The following WWOX variants were observed in gnomAD, a reference collection of about 807,000 sequenced individuals.
The protein encoded by WWOX is WW domain-containing oxidoreductase.
In WWOX, 69 loss-of-function variants were observed where a neutral mutation model predicts 46.2. The ratio of observed to expected loss-of-function variants is 1.49; its 90% CI spans 1.23 to 1.82. The LOEUF is 1.82. Ranked by LOEUF, WWOX falls within the 40% of genes most tolerant of loss-of-function variation. WWOX has a pLI of 0.00. For missense variants in WWOX, 919 were observed against 542.6 expected (o/e 1.69, Z -6.89); for synonymous variants, 359 against 202.6 (o/e 1.77, Z -6.56).
chr16:78,485,775 C>T (rs2084620012), intron 8 of WWOX, among the ~76,000 whole-genome samples: 2 of 152,214 alleles, frequency 1.3e-5, no homozygotes, highest in South Asian at 2.1e-4. Context: ...TCCCTCTCCC[C>T]AGCATGGGGC....
At chr16:79,005,562 C>T (rs776769296) in intron 8 of WWOX, among the ~76,000 whole-genome samples, 24 of 152,150 alleles carry the variant, frequency 1.6e-4, no homozygotes, top group Non-Finnish European at 3.1e-4. Flanking sequence ...GTAGGTATTT[C>T]CTGGCAACCT....
intron 8 of WWOX, among the ~76,000 whole-genome samples, chr16:79,195,385 G>A (rs1259439696): frequency 6.6e-6 from 1 of 152,162 alleles, no homozygotes; most frequent in South Asian, 2.1e-4. Flanking sequence ...ATGCAAGGAG[G>A]TCAGGAAGTC....
chr16:78,778,468 C>A (rs1352864613), intron 8 of WWOX, among the ~76,000 whole-genome samples: 3 of 152,194 alleles, frequency 2.0e-5, no homozygotes, highest in Admixed American at 6.5e-5. Context: ...TGGGATGTCA[C>A]ATGTTCAGGC....
chr16:78,465,350 T>C (rs1217532030), intron 8 of WWOX, among the ~76,000 whole-genome samples: 1 of 152,240 alleles, frequency 6.6e-6, no homozygotes, highest in East Asian at 1.9e-4. Context: ...TCTTTTGCTA[T>C]TTTCTTTTTT....
intron 8 of WWOX, among the ~76,000 whole-genome samples, chr16:78,678,921 A>G (rs1261777763): frequency 6.6e-6 from 1 of 152,116 alleles, no homozygotes; most frequent in Non-Finnish European, 1.5e-5. Context: ...CTGGCACCGC[A>G]CACTTTGTTC....
intron 8 of WWOX, among the ~76,000 whole-genome samples, chr16:78,997,362 C>T (rs754395686): frequency 2.4e-4 from 36 of 152,096 alleles, no homozygotes; most frequent in Admixed American, 5.9e-4. Flanking sequence ...CTAGAAGATT[C>T]GTGGCTTGGG....
intron 5 of WWOX, among the ~76,000 whole-genome samples, chr16:78,329,041 T>C (rs2080699922): frequency 1.3e-5 from 2 of 152,032 alleles, no homozygotes; most frequent in African/African-American, 2.4e-5. Context: ...TTCTTTTTTT[T>C]CGTAGGACGA....
Position 78,115,267 on chromosome 16 carries a change from C to G in WWOX, c.409+113C>G, listed in dbSNP as rs972761911. 1.0e-5 allele frequency: 13 copies of G among 1,280,518 alleles called. No individual in the cohort carries two copies. In the East Asian group the frequency reaches 3.1e-4, roughly 31 times the overall value. 79.3% of individuals were successfully genotyped at this position (1,280,518 alleles called of 1,614,324 possible). On this transcript the variant is annotated intron_variant, in intron 4 of 8. Transcript: ENST00000566780. Reference sequence around the variant, plus strand: ...TCTCTGATTTAAACATGACTTTTATCCTTTTCAGATATCGTTTCATTAACA... The same window carrying G: ...TCTCTGATTTAAACATGACTTTTATGCTTTTCAGATATCGTTTCATTAACA...
intron 5 of WWOX, among the ~76,000 whole-genome samples, chr16:78,175,786 C>G (rs2035324845): frequency 6.6e-6 from 1 of 152,188 alleles, no homozygotes; most frequent in Admixed American, 6.5e-5. Context: ...AGCCACTATG[C>G]TCTGGGGGAA....
chr16:78,464,620 G>C (rs1198759464), intron 8 of WWOX, among the ~76,000 whole-genome samples: 2 of 152,190 alleles, frequency 1.3e-5, no homozygotes, highest in Non-Finnish European at 2.9e-5. Flanking sequence ...GTCAGGATTT[G>C]AAGGCAGATC....
intron 8 of WWOX, among the ~76,000 whole-genome samples, chr16:78,753,023 G>A (rs61249444): frequency 0.025 from 3,751 of 152,270 alleles, 146 homozygotes; most frequent in African/African-American, 0.081. Flanking sequence ...GGCTGGGCAC[G>A]GTAGCTCACG....
At chr16:78,932,549 G>C (rs1324098476) in intron 8 of WWOX, among the ~76,000 whole-genome samples, 1 of 152,214 alleles carries the variant, frequency 6.6e-6, no homozygotes, top group Non-Finnish European at 1.5e-5. Context: ...CACCTGCCAA[G>C]GAAAATGCTG....
intron 8 of WWOX, among the ~76,000 whole-genome samples, chr16:79,166,515 C>A (rs1289037007): frequency 2.0e-5 from 3 of 152,146 alleles, no homozygotes; most frequent in Non-Finnish European, 4.4e-5. Context: ...ACCATACGGG[C>A]AGTAGTCCGC....
intron 8 of WWOX, among the ~76,000 whole-genome samples, chr16:78,991,528 G>A (rs561118638): frequency 6.7e-6 from 1 of 149,194 alleles, no homozygotes; most frequent in Non-Finnish European, 1.5e-5. Context: ...TTGAGCCTGG[G>A]AATTTGAGGC....
intron 8 of WWOX, among the ~76,000 whole-genome samples, chr16:78,626,240 C>T (rs1035896623): frequency 3.7e-4 from 56 of 152,026 alleles, no homozygotes; most frequent in Non-Finnish European, 7.4e-4. Flanking sequence ...AAGTGATTCT[C>T]CTGCCTCAGC....
At chr16:79,107,396 CTT>C (rs1391988159) in intron 8 of WWOX, among the ~76,000 whole-genome samples, 2 of 152,164 alleles carry the variant, frequency 1.3e-5, no homozygotes, top group Admixed American at 1.3e-4. Flanking sequence ...CCCAAAATGA[CTT>C]TTTATTTGTT....
chr16:78,486,191 G>T (rs912311826), intron 8 of WWOX, among the ~76,000 whole-genome samples: 4 of 152,106 alleles, frequency 2.6e-5, no homozygotes, highest in African/African-American at 9.7e-5. Flanking sequence ...GCTGATTACT[G>T]TGGTGTAAAT....
chr16:78,140,712 C>A (rs1457995601), intron 4 of WWOX, among the ~76,000 whole-genome samples: 1 of 152,120 alleles, frequency 6.6e-6, no homozygotes, highest in Non-Finnish European at 1.5e-5. Context: ...GGGTGAGAGC[C>A]CACCTTAATG....
intron 8 of WWOX, among the ~76,000 whole-genome samples, chr16:78,765,543 A>T (rs2049906714): frequency 6.6e-6 from 1 of 152,058 alleles, no homozygotes; most frequent in Non-Finnish European, 1.5e-5. Context: ...GCCAGGTGTG[A>T]TAGCGGGCGC....
Sources: allele counts gnomAD v4.1 joint callset (sites outside exome capture counted in the v4.1 genomes callset), GRCh38; gene constraint gnomAD v4.1.1; transcripts MANE v1.5; gene names NCBI Gene and HGNC (gene_info 2026-07-23, HGNC 2026-07-21).